CPT1B: variants seen among roughly 807,000 people sequenced by gnomAD.
The protein encoded by CPT1B is carnitine O-palmitoyltransferase 1, muscle isoform.
Under a neutral mutation model 92.7 loss-of-function variants are expected in CPT1B, and 57 were observed. That is an observed-to-expected ratio of 0.62 (90% CI 0.50 to 0.77). The LOEUF (loss-of-function observed/expected upper bound fraction) is 0.77. Ranked by LOEUF, CPT1B falls within the 30% of genes least tolerant of loss-of-function variation. CPT1B has a pLI of 0.00. For missense variants in CPT1B, 983 were observed against 1,017.4 expected, an observed-to-expected ratio of 0.97 and a Z score of 0.46; for synonymous variants, 398 against 383.5, an observed-to-expected ratio of 1.04 and a Z score of -0.44.
chr22:50,571,064 G>A, intron 15 of CPT1B, 21 bp from the exon 16 acceptor site: 1 of 1,613,104 alleles, frequency 6.2e-7, no homozygotes. Flanking sequence ...GAAGTAAAGG[G>A]GTGAAGAGTA....
At chr22:50,577,704 G>T in intron 2 of CPT1B, 71 bp downstream of exon 2, 2 of 1,582,854 alleles carry the variant, frequency 1.3e-6, no homozygotes, top group Non-Finnish European at 8.6e-7. Context: ...GGCAGTGAGG[G>T]ACCCTAACAA....
intron 5 of CPT1B, 83 bp downstream of exon 5, chr22:50,576,453 T>G: frequency 6.2e-7 from 1 of 1,602,008 alleles, no homozygotes; most frequent in Non-Finnish European, 8.5e-7. Context: ...TTAAGGCCAC[T>G]CTTTGCACAG....
At chr22:50,569,975 C>T (rs550128611) in intron 17 of CPT1B, among the ~76,000 whole-genome samples, 1 of 152,298 alleles carries the variant, frequency 6.6e-6, no homozygotes, top group East Asian at 1.9e-4. Context: ...CTGTGGGAGA[C>T]AGCTGCACTC....
intron 16 of CPT1B, among the ~76,000 whole-genome samples, 173 bp downstream of exon 16, chr22:50,570,718 C>T (rs929136327): frequency 6.1e-4 from 93 of 152,226 alleles, no homozygotes; most frequent in Non-Finnish European, 9.8e-4. Context: ...TGCTCCTGCT[C>T]AGTCCCAGGA....
intron 17 of CPT1B, among the ~76,000 whole-genome samples, 158 bp downstream of exon 17, chr22:50,570,135 T>C (rs1603443209): frequency 6.6e-6 from 1 of 152,320 alleles, no homozygotes; most frequent in Admixed American, 6.5e-5. Context: ...CTTGGCTGCC[T>C]GAGTCCATAG....
In CPT1B at chr22:50,577,886, G is replaced by A; in HGVS notation, c.30C>T (p.Phe10=). 1 of 1,612,940 alleles carries A rather than the reference G, an allele frequency of 6.2e-7. No individual in the cohort carries two copies. The highest frequency in any genetic ancestry group is 8.5e-7 in the Non-Finnish European group (1 of 1,179,506). ...CCCCGTCTGGGGTCACCGTGAACTG[G>A]AAGGCCACGGCCTGGTGAGCTTCCG... MAEAHQAVA[F]QFTVTPDGVD... The change falls in exon 2 of 20, where the codon TTC becomes TTT. Residue 10 remains phenylalanine (F), a synonymous_variant. Coordinates refer to ENST00000312108, the MANE Select transcript of CPT1B (RefSeq NM_152246.3).
Position 50,576,039 on chromosome 22 carries a change from A to G in CPT1B, c.773T>C (p.Val258Ala). The G allele has an allele frequency of 6.2e-7, 1 of 1,614,004 alleles. No homozygotes were observed. The highest frequency in any genetic ancestry group is 1.1e-5 in the South Asian group (1 of 91,074). Residue 258 changes from valine to alanine, a missense_variant, in exon 7 of 20, where the codon GTC (valine) becomes GCC (alanine). Val to Ala is a moderately conservative substitution (Grantham distance 64). Coordinates refer to ENST00000312108, the MANE Select transcript of CPT1B (RefSeq NM_152246.3). ...CCTGGGGGCTCTAGTTCATACCATG[A>G]CATAATAGTTGCTGTTCACCATGAG... ...SPLMVNSNYY[V>A]MDLVLIKNTD...
At chr22:50,576,806 C>T (rs1162209215) in intron 4 of CPT1B, 51 bp downstream of exon 4, 2 of 1,608,396 alleles carry the variant, frequency 1.2e-6, no homozygotes, top group South Asian at 2.2e-5. Context: ...CCAAAGGAGT[C>T]CAAAGAGTCT....
intron 7 of CPT1B, chr22:50,574,892 T>G: frequency 2.8e-6 from 1 of 355,370 alleles, no homozygotes. Context: ...AGCCTCAAAT[T>G]ACTCGCCCTA....
At position 50,570,012 on chromosome 22, in the gene CPT1B, C is replaced by T. The variant is rs17848471; in HGVS notation, c.2142+281G>A. 1.9e-4 allele frequency among the ~76,000 whole-genome samples: 29 copies of T among 152,328 alleles called. No individual in the cohort carries two copies. The East Asian group carries it at 5.6e-3, about 29-fold the overall frequency. ...CTTGGATAAGTAGACTTCAGAAGCA[C>T]CCAGTGCACTGCCCAGTACCCTGGA... On this transcript the variant is annotated intron_variant, in intron 17 of 19. Coordinates refer to ENST00000312108, the MANE Select transcript of CPT1B (RefSeq NM_152246.3).
chr22:50,572,426 C>CT (rs991048601), intron 11 of CPT1B, 118 bp from the exon 12 acceptor site: 126 of 653,626 alleles, frequency 1.9e-4, no homozygotes, highest in Admixed American at 2.5e-4. Flanking sequence ...TTTTCTCTCA[C>CT]TTTTTTTTTA....
Position 50,576,656 on chromosome 22 carries a change from G to A in CPT1B, c.460-19C>T, listed in dbSNP as rs1488827369. The A allele has an allele frequency of 6.2e-7, 1 of 1,608,120 alleles. No homozygotes were observed. The highest frequency in any genetic ancestry group is 1.7e-5 in the Admixed American group (1 of 59,432). ...TACACATCTGGGGGTACAGAGCAGA[G>A]TGCTGGGGTGGGAGCCAGTGGAAAA... is the stretch of plus-strand genomic sequence containing the variant. On this transcript the variant is annotated intron_variant, in intron 4 of 19. Coordinates refer to ENST00000312108, the MANE Select transcript of CPT1B (RefSeq NM_152246.3).
At position 50,569,370 on chromosome 22, in the gene CPT1B, C is replaced by G; in HGVS notation, c.2287G>C (p.Asp763His). The change falls in exon 19 of 20, where the codon GAT becomes CAT. Residue 763 changes from aspartate to histidine, a missense_variant. Coordinates refer to ENST00000312108, the MANE Select transcript of CPT1B (RefSeq NM_152246.3). ...HIRKALLDIA[D>H]LFQVPKAYS is the part of the protein sequence containing the mutation. Reference sequence around the variant, plus strand: ...TAGGCCTTGGGAACTTGGAAAAGATCAGCAATGTCCAGCAGGGCTTTGCGG... The same window carrying G: ...TAGGCCTTGGGAACTTGGAAAAGATGAGCAATGTCCAGCAGGGCTTTGCGG... 2 of 1,614,144 alleles carry G rather than the reference C, an allele frequency of 1.2e-6. No individual in the cohort carries two copies. The highest frequency in any genetic ancestry group is 1.7e-6 in the Non-Finnish European group (2 of 1,180,020).
chr22:50,569,112 T>C, intron 19 of CPT1B, 31 bp from the exon 20 acceptor site: 1 of 502,252 alleles, frequency 2.0e-6, no homozygotes, highest in Non-Finnish European at 3.5e-6. Context: ...CTTATTTTTA[T>C]TAGTATCTAT....
At position 50,576,112 on chromosome 22, in the gene CPT1B, C is replaced by T. The variant is rs1217017489; in HGVS notation, c.700G>A (p.Val234Met). ...ATGTACTCTTCCCACCAGTCACTCACCTGTGGGGAGGTGGAAGGTTAGAGC... is the reference window on the plus strand; with the variant it reads ...ATGTACTCTTCCCACCAGTCACTCATCTGTGGGGAGGTGGAAGGTTAGAGC... ...VLKSWWASNY[V>M]SDWWEEYIYL... Residue 234 changes from valine to methionine, a missense_variant and splice_region_variant, in exon 7 of 20, where the codon GTG becomes ATG. Transcript: ENST00000312108. The T allele has an allele frequency of 2.5e-6, 4 of 1,613,956 alleles. No individual in the cohort carries two copies. Among genetic ancestry groups the T allele is most frequent in the Non-Finnish European group, 3.4e-6 (4 of 1,180,020 alleles).
At position 50,576,587 on chromosome 22, in the gene CPT1B, C is replaced by T; in HGVS notation, c.510G>A (p.Gln170=). 10 of 1,609,178 alleles carry T rather than the reference C, an allele frequency of 6.2e-6. No homozygotes were observed. Among genetic ancestry groups the T allele is most frequent in the Non-Finnish European group, 8.5e-6 (10 of 1,177,972 alleles). ...GCACAGGAAGCTTGGGCAGAGATGT[C>T]TGGAAGCTGTAGAGCATAGGGTGCC... ...SSRHPMLYSF[Q]TSLPKLPVPR... is the part of the protein sequence containing the mutation. The change falls in exon 5 of 20, where the codon CAG becomes CAA. Residue 170 remains glutamine, a synonymous_variant. Transcript: ENST00000312108.
Position 50,572,115 on chromosome 22 carries a change from A to G in CPT1B, c.1466T>C (p.Leu489Pro). ...GCCCAGGTGGAAGCTGTCTGTGCCC[A>G]GGACAAACTGCAGGGAGAGGATGAG... ...PIIGHLWEFV[L>P]GTDSFHLGYT... Residue 489 changes from leucine (L) to proline (P), a missense_variant, in exon 13 of 20, where the codon CTG becomes CCG. By Grantham distance (98) the Leu-to-Pro change is moderately conservative. Transcript: ENST00000312108. 12 of 1,614,144 alleles carry G rather than the reference A, an allele frequency of 7.4e-6. No homozygotes were observed. Among genetic ancestry groups the G allele is most frequent in the Non-Finnish European group, 1.0e-5 (12 of 1,180,000 alleles).
chr22:50,573,533 TGA>T lies in CPT1B; in HGVS notation c.1151_1152del (p.Leu384HisfsTer17). The T allele has an allele frequency of 1.9e-6, 3 of 1,611,110 alleles. No individual in the cohort carries two copies. Among genetic ancestry groups the T allele is most frequent in the Non-Finnish European group, 2.5e-6 (3 of 1,178,484 alleles). ...AGAGGCCAATACCTTCCTCCTGCAG[TGA>T]GGGCTGCCAGCTTCTCCTCCCCAGG... is the stretch of plus-strand genomic sequence containing the variant. Reference protein sequence around the residue: ...PQPGEEKLAALTAGGRVEWAQ... With the variant: ...PQPGEEKLAAXTAGGRVEWAQ... On this transcript the variant is annotated frameshift_variant, in exon 10 of 20. Transcript: ENST00000312108. LOFTEE classifies it high-confidence loss of function. The surrounding 1 kb of genome is among the most constrained non-coding windows in gnomAD (Gnocchi z 5.0).
At position 50,576,083 on chromosome 22, in the gene CPT1B, G is replaced by A. The variant is rs1476715896; in HGVS notation, c.729C>T (p.Tyr243=). ...YVSDWWEEYI[Y]LRGRSPLMVN... ...CCATGAGAGGGCTCCTGCCTCGAAGGTAGATGTACTCTTCCCACCAGTCAC... is the reference window on the plus strand; with the variant it reads ...CCATGAGAGGGCTCCTGCCTCGAAGATAGATGTACTCTTCCCACCAGTCAC... Residue 243 remains tyrosine, a synonymous_variant, in exon 7 of 20, where the codon TAC becomes TAT. Transcript: ENST00000312108. 1.9e-6 allele frequency: 3 copies of A among 1,614,030 alleles called. No individual in the cohort carries two copies. Among genetic ancestry groups the A allele is most frequent in the African/African-American group, 1.3e-5 (1 of 74,922 alleles).
Sources: allele counts gnomAD v4.1 joint callset (sites outside exome capture counted in the v4.1 genomes callset), GRCh38; gene constraint gnomAD v4.1.1; non-coding constraint Gnocchi (gnomAD v3.1); transcripts MANE v1.5; gene names NCBI Gene and HGNC (gene_info 2026-07-23, HGNC 2026-07-21).